The following ATF7IP2 variants were observed in gnomAD, a reference collection of about 807,000 sequenced individuals.
ATF7IP2 encodes activating transcription factor 7-interacting protein 2.
ATF7IP2 carries 42 observed loss-of-function variants against 64.2 expected under a neutral mutation model. The ratio of observed to expected loss-of-function variants is 0.65; its 90% CI spans 0.51 to 0.85. The LOEUF is 0.85. Ranked by LOEUF, ATF7IP2 falls within the 40% of genes least tolerant of loss-of-function variation. The pLI is 0.00. For synonymous variants in ATF7IP2, 308 were observed against 272.8 expected, an observed-to-expected ratio of 1.13 and a Z score of -1.27; for missense variants, 933 against 784.2, an observed-to-expected ratio of 1.19 and a Z score of -2.27.
In ATF7IP2 at chr16:10,428,889, T is replaced by C. The variant is rs2048153077; in HGVS notation, c.-138T>C. 1 of 151,348 alleles carries C rather than the reference T, an allele frequency of 6.6e-6. No homozygotes were observed. The highest frequency in any genetic ancestry group is 1.5e-5 in the Non-Finnish European group (1 of 67,896). The allele number at this position is 151,348 out of a possible 1,614,324, so 9.4% of individuals were successfully genotyped here. ...ATAGGAATCCTGCTTTTTTTTTTTC[T>C]TTGAGACACGGTCTCACTCTGTCAC... On this transcript the variant is annotated 5_prime_UTR_variant, in exon 4 of 14. Coordinates refer to ENST00000562102, the MANE Select transcript of ATF7IP2 (RefSeq NM_001393719.1).
At chr16:10,434,616 C>A (rs1002534253) in intron 6 of ATF7IP2, among the ~76,000 whole-genome samples, 1 of 152,134 alleles carries the variant, frequency 6.6e-6, no homozygotes, top group Non-Finnish European at 1.5e-5. Flanking sequence ...TTTTGGTTTT[C>A]TTCGAAGAAG....
intron 1 of ATF7IP2, among the ~76,000 whole-genome samples, chr16:10,390,894 A>C (rs1032779526): frequency 7.2e-5 from 11 of 152,192 alleles, no homozygotes; most frequent in African/African-American, 2.7e-4. Context: ...AGGGCATTGT[A>C]GCTCACATTT....
intron 9 of ATF7IP2, 184 bp downstream of exon 9, chr16:10,457,713 C>G (rs955550945): frequency 2.2e-6 from 1 of 448,004 alleles, no homozygotes; most frequent in East Asian, 4.3e-5. Flanking sequence ...TTTGGGTTTT[C>G]TGGTGTTTTT....
intron 9 of ATF7IP2, among the ~76,000 whole-genome samples, chr16:10,460,909 C>T (rs925168610): frequency 6.6e-6 from 1 of 151,996 alleles, no homozygotes; most frequent in Non-Finnish European, 1.5e-5. Context: ...ACAGGCCATC[C>T]GAGTTGGAGA....
intron 8 of ATF7IP2, among the ~76,000 whole-genome samples, chr16:10,452,603 A>C (rs535061293): frequency 2.6e-5 from 4 of 152,338 alleles, no homozygotes; most frequent in Non-Finnish European, 5.9e-5. Context: ...TTGAGGAGCC[A>C]GTCTGACATT....
intron 12 of ATF7IP2, among the ~76,000 whole-genome samples, chr16:10,479,889 G>C (rs946710018): frequency 2.0e-5 from 3 of 149,924 alleles, no homozygotes; most frequent in African/African-American, 7.3e-5. Context: ...CTGTTGGTAG[G>C]AATGTAAATT....
At chr16:10,453,667 G>C (rs1174364902) in intron 8 of ATF7IP2, among the ~76,000 whole-genome samples, 1 of 152,036 alleles carries the variant, frequency 6.6e-6, no homozygotes, top group East Asian at 1.9e-4. Flanking sequence ...GCCCAGGCTG[G>C]AGTGCAGTGG....
chr16:10,463,386 C>G (rs1325654605), intron 9 of ATF7IP2, among the ~76,000 whole-genome samples: 1 of 152,236 alleles, frequency 6.6e-6, no homozygotes, highest in African/African-American at 2.4e-5. Context: ...TAGTGACTCA[C>G]TTCTAATGAA....
At chr16:10,414,384 T>C (rs1463226755) in intron 1 of ATF7IP2, among the ~76,000 whole-genome samples, 190 bp from the exon 2 acceptor site, 6 of 152,046 alleles carry the variant, frequency 3.9e-5, no homozygotes, top group African/African-American at 1.4e-4. Context: ...TTCTAGAGCA[T>C]TTTGCATTTC....
At chr16:10,429,347 G>T (rs1454872260) in intron 4 of ATF7IP2, among the ~76,000 whole-genome samples, 1 of 152,040 alleles carries the variant, frequency 6.6e-6, no homozygotes, top group East Asian at 1.9e-4. Flanking sequence ...ATATATATCA[G>T]GTTTGTTTGT....
chr16:10,480,577 C>T (rs751855956), intron 12 of ATF7IP2, among the ~76,000 whole-genome samples: 22 of 150,790 alleles, frequency 1.5e-4, no homozygotes, highest in Non-Finnish European at 5.9e-5. Context: ...GTTGGCCTAA[C>T]GAGAAAATTT....
At chr16:10,468,599 G>C (rs951974454) in intron 9 of ATF7IP2, among the ~76,000 whole-genome samples, 2 of 152,192 alleles carry the variant, frequency 1.3e-5, no homozygotes, top group African/African-American at 4.8e-5. Flanking sequence ...GTTTAGGTCA[G>C]AGATTGGAGA....
At chr16:10,474,167 T>C (rs1200445409) in intron 12 of ATF7IP2, among the ~76,000 whole-genome samples, 178 bp downstream of exon 12, 1 of 152,214 alleles carries the variant, frequency 6.6e-6, no homozygotes, top group African/African-American at 2.4e-5. Context: ...ACAAAGCTCC[T>C]TCATGCTACC....
intron 12 of ATF7IP2, among the ~76,000 whole-genome samples, chr16:10,477,561 T>G (rs1369074900): frequency 2.0e-5 from 3 of 152,200 alleles, no homozygotes; most frequent in African/African-American, 7.2e-5. Flanking sequence ...CTTTGAAAAC[T>G]GGAAGCATTC....
chr16:10,460,583 T>C (rs1443559908), intron 9 of ATF7IP2, among the ~76,000 whole-genome samples: 6 of 152,124 alleles, frequency 3.9e-5, no homozygotes, highest in Non-Finnish European at 5.9e-5. Flanking sequence ...GTGATGGAGA[T>C]TGCGTGGCAG....
At chr16:10,396,430 G>T (rs2047420397) in intron 1 of ATF7IP2, among the ~76,000 whole-genome samples, 1 of 151,998 alleles carries the variant, frequency 6.6e-6, no homozygotes, top group Non-Finnish European at 1.5e-5. Flanking sequence ...ATGCTGTCGG[G>T]GTCATATCTA....
chr16:10,480,780 C>A, intron 12 of ATF7IP2, 99 bp from the exon 13 acceptor site: 1 of 814,178 alleles, frequency 1.2e-6, no homozygotes, highest in Non-Finnish European at 2.1e-6. Context: ...AATTTTAATT[C>A]ACATTTAATT....
intron 1 of ATF7IP2, among the ~76,000 whole-genome samples, chr16:10,400,691 G>A (rs1439228243): frequency 6.6e-6 from 1 of 152,062 alleles, no homozygotes; most frequent in Non-Finnish European, 1.5e-5. Context: ...GTGCGTGTGT[G>A]TGTTTTTTTG....
At position 10,437,833 on chromosome 16, in the gene ATF7IP2, G is replaced by A. The variant is rs369700307; in HGVS notation, c.961-268G>A. 3.9e-5 allele frequency among the ~76,000 whole-genome samples: 6 copies of A among 152,280 alleles called. No individual in the cohort carries two copies. The East Asian group carries it at 7.7e-4, about 20-fold the overall frequency. ...CTATAATGTATAGTATGGAATTCAA[G>A]TGGAACTATAGGAAACTAAAGTTAG... On this transcript the variant is annotated intron_variant, in intron 6 of 13. Transcript: ENST00000562102.
Sources: allele counts gnomAD v4.1 joint callset (sites outside exome capture counted in the v4.1 genomes callset), GRCh38; gene constraint gnomAD v4.1.1; transcripts MANE v1.5; gene names NCBI Gene and HGNC (gene_info 2026-07-23, HGNC 2026-07-21).